The following CAPNS1 variants were observed in gnomAD, a reference collection of about 807,000 sequenced individuals.
The protein encoded by CAPNS1 is CANP small subunit.
CAPNS1 carries 32 observed loss-of-function variants against 39.2 expected under a neutral mutation model. That is an observed-to-expected ratio of 0.82 (90% confidence interval 0.62 to 1.10). CAPNS1 has a LOEUF of 1.10. CAPNS1 is among the 50% of genes least tolerant of loss of function. The pLI is 0.00. For synonymous variants in CAPNS1, 153 were observed against 136.2 expected (o/e 1.12, Z -0.86); for missense variants, 353 against 373.1 (o/e 0.95, Z 0.44).
chr19:36,142,313 C>A lies in CAPNS1; in HGVS notation c.223C>A (p.Gln75Lys). The A allele has an allele frequency of 6.3e-7, 1 of 1,586,828 alleles. No individual in the cohort carries two copies. Among genetic ancestry groups the A allele is most frequent in the Non-Finnish European group, 8.6e-7 (1 of 1,161,688 alleles). ...VISAISEAAA[Q>K]YNPEPPPPRT... is the part of the protein sequence containing the mutation. ...ATCTCTTCGCAGCGAGGCGGCTGCG[C>A]AGTACAACCCGGAGCCCCCGGTAAG... is the stretch of plus-strand genomic sequence containing the variant. Residue 75 changes from glutamine to lysine, a missense_variant, in exon 3 of 11, where the codon CAG (glutamine) becomes AAG (lysine). By Grantham distance (53) the Gln-to-Lys change is moderately conservative (BLOSUM62 1). Transcript: ENST00000246533.
At position 36,149,580 on chromosome 19, in the gene CAPNS1, G is replaced by A; in HGVS notation, c.724G>A (p.Ala242Thr). 1 of 1,479,930 alleles carries A rather than the reference G, an allele frequency of 6.8e-7. No homozygotes were observed. Among genetic ancestry groups the A allele is most frequent in the Non-Finnish European group, 9.0e-7 (1 of 1,112,058 alleles). The allele number at this position is 1,479,930 out of a possible 1,614,324, so 91.7% of individuals were successfully genotyped here. A position where few individuals can be genotyped will look rare whatever the true frequency, so the allele number is the denominator to read the frequency against. ...AACCTCTGCATCTCCTCCTCCAGGT[G>A]CCTTCAAATCTCTTGACAAAGATGG... Reference protein sequence around the residue: ...CLVRLDAMFRAFKSLDKDGTG... With the variant: ...CLVRLDAMFRTFKSLDKDGTG... The change falls in exon 10 of 11, where the codon GCC becomes ACC. Residue 242 changes from alanine to threonine, a missense_variant and splice_region_variant. Ala to Thr is a moderately conservative substitution (Grantham distance 58). Transcript: ENST00000246533.
chr19:36,148,962 G>A (rs17882759), intron 9 of CAPNS1, among the ~76,000 whole-genome samples: 1,752 of 152,296 alleles, frequency 0.012, 24 homozygotes, highest in African/African-American at 0.04. Context: ...CAGGGCAGGC[G>A]TGGGGACCTA....
intron 6 of CAPNS1, among the ~76,000 whole-genome samples, chr19:36,144,553 A>T (rs1169741319): frequency 6.6e-6 from 1 of 152,176 alleles, no homozygotes; most frequent in African/African-American, 2.4e-5. Flanking sequence ...TTTTTGTTTT[A>T]AAAAATATTT....
chr19:36,141,439 G>A, intron 2 of CAPNS1: 1 of 1,311,292 alleles, frequency 7.6e-7, no homozygotes, highest in Middle Eastern at 2.9e-4. Flanking sequence ...GCTTGATATG[G>A]GAGTAGTCTG....
Position 36,149,805 on chromosome 19 carries a change from C to T in CAPNS1, c.781-8C>T. On this transcript the variant is annotated splice_polypyrimidine_tract_variant and splice_region_variant and intron_variant, in intron 10 of 10. Transcript: ENST00000246533. ...CCCTGTCCTCACTCTCCACCCTCCTCTCCCCAGTGGCTGCAGCTGACTATG... is the reference window on the plus strand; with the variant it reads ...CCCTGTCCTCACTCTCCACCCTCCTTTCCCCAGTGGCTGCAGCTGACTATG... 1 of 1,520,442 alleles carries T rather than the reference C, an allele frequency of 6.6e-7. No homozygotes were observed. The highest frequency in any genetic ancestry group is 8.9e-7 in the Non-Finnish European group (1 of 1,128,914). The allele number at this position is 1,520,442 out of a possible 1,614,324, so 94.2% of individuals were successfully genotyped here.
chr19:36,147,327 G>C (rs751292977), intron 9 of CAPNS1, among the ~76,000 whole-genome samples: 1 of 152,232 alleles, frequency 6.6e-6, no homozygotes, highest in Non-Finnish European at 1.5e-5. Flanking sequence ...AGCTAAGTAA[G>C]AGAAGGTAGG....
rs1220762814 is a variant in CAPNS1, at chr19:36,143,655, A to AT, written c.456+529dup. 8.0e-5 allele frequency among the ~76,000 whole-genome samples: 12 copies of AT among 149,536 alleles called. No homozygotes were observed. In the East Asian group the frequency reaches 1.6e-3, roughly 20 times the overall value. On this transcript the variant is annotated intron_variant, in intron 6 of 10. Coordinates refer to ENST00000246533, the MANE Select transcript of CAPNS1 (RefSeq NM_001749.4). ...GGCGGGCGGATCACGAGATCAGGAGATTGAGACCATCCTGGCTAACACAGT... is the reference window on the plus strand; with the variant it reads ...GGCGGGCGGATCACGAGATCAGGAGATTTGAGACCATCCTGGCTAACACAGT...
chr19:36,142,151 C>T, intron 2 of CAPNS1, 149 bp from the exon 3 acceptor site: 1 of 737,072 alleles, frequency 1.4e-6, no homozygotes, highest in Non-Finnish European at 2.5e-6. Flanking sequence ...TGGATTGGGA[C>T]AGATGAGGAC....
In CAPNS1 at chr19:36,141,058, G is replaced by C; in HGVS notation, c.47G>C (p.Gly16Ala). The C allele has an allele frequency of 1.3e-6, 2 of 1,530,578 alleles. No individual in the cohort carries two copies. The highest frequency in any genetic ancestry group is 1.8e-6 in the Non-Finnish European group (2 of 1,135,778). The allele number at this position is 1,530,578 out of a possible 1,614,324, so 94.8% of individuals were successfully genotyped here. The change falls in exon 2 of 11, where the codon GGG becomes GCG. Residue 16 changes from glycine (G) to alanine (A), a missense_variant. Transcript: ENST00000246533. ...TTGAAGGGCGGCGGCGGCGGCGGCG[G>C]GGGAGGCGGGGGCCTGGGTGGGGGC... ...SFLKGGGGGG[G>A]GGGGLGGGLG...
chr19:36,142,162 AAG>A (rs1411429324), intron 2 of CAPNS1, 136 bp from the exon 3 acceptor site: 1 of 755,994 alleles, frequency 1.3e-6, no homozygotes, highest in East Asian at 2.5e-5. Flanking sequence ...AGATGAGGAC[AAG>A]AACAAATGAA....
At chr19:36,147,806 C>T (rs1461040420) in intron 9 of CAPNS1, among the ~76,000 whole-genome samples, 2 of 151,184 alleles carry the variant, frequency 1.3e-5, no homozygotes, top group African/African-American at 4.9e-5. Flanking sequence ...GGTGCAGTGG[C>T]TTATGCCTGT....
At chr19:36,141,756 A>G (rs1974383539) in intron 2 of CAPNS1, 5 of 328,454 alleles carry the variant, frequency 1.5e-5, no homozygotes, top group Non-Finnish European at 2.2e-5. Flanking sequence ...ATGCCCTGGT[A>G]GGGATAGGGC....
intron 3 of CAPNS1, 126 bp from the exon 4 acceptor site, chr19:36,142,526 C>A: frequency 2.6e-6 from 2 of 760,536 alleles, no homozygotes; most frequent in Admixed American, 2.1e-5. Flanking sequence ...TTCACTACCA[C>A]CCCTCATTCT....
At chr19:36,141,441 A>T (rs1974370838) in intron 2 of CAPNS1, 2 of 1,309,694 alleles carry the variant, frequency 1.5e-6, no homozygotes, top group South Asian at 4.4e-5. Flanking sequence ...TTGATATGGG[A>T]GTAGTCTGAT....
At chr19:36,144,176 CAAAAAAAAA>C (rs557328656) in intron 6 of CAPNS1, 1 of 65,416 alleles carries the variant, frequency 1.5e-5, no homozygotes, top group African/African-American at 5.6e-5. Context: ...GACTCCGTCT[CAAAAAAAAA>C]AAAAAAGAAA....
At chr19:36,142,574 C>T (rs559995874) in intron 3 of CAPNS1, 78 bp from the exon 4 acceptor site, 5 of 1,169,988 alleles carry the variant, frequency 4.3e-6, no homozygotes, top group South Asian at 3.9e-5. Flanking sequence ...CTGACTTCCC[C>T]ACCCAGGGTA....
In CAPNS1 at chr19:36,140,085, C is replaced by A. The variant is rs1026669643; in HGVS notation, c.-88C>A. The A allele has an allele frequency of 3.3e-5, 5 of 152,230 alleles. No homozygotes were observed. The highest frequency in any genetic ancestry group is 1.2e-4 in the African/African-American group (5 of 41,456). The allele number at this position is 152,230 out of a possible 1,614,324, so 9.4% of individuals were successfully genotyped here. A position where few individuals can be genotyped will look rare whatever the true frequency, so the allele number is the denominator to read the frequency against. On this transcript the variant is annotated 5_prime_UTR_variant, in exon 1 of 11. Transcript: ENST00000246533. ...CGGCCTGAGTCACCGGCCCCGCCCT[C>A]CGGAGCCGGACGCTGCGGGAGGCCC...
At chr19:36,146,664 A>G (rs1974578657) in intron 9 of CAPNS1, among the ~76,000 whole-genome samples, 2 of 152,112 alleles carry the variant, frequency 1.3e-5, no homozygotes, top group Non-Finnish European at 2.9e-5. Flanking sequence ...ATCCAGGAGG[A>G]ACCTGATGCA....
rs780575011 is a variant in CAPNS1 at position 36,146,286 on chromosome 19, G to A, written c.695G>A (p.Cys232Tyr). The A allele has an allele frequency of 1.9e-6, 3 of 1,613,194 alleles. No individual in the cohort carries two copies. The highest frequency in any genetic ancestry group is 2.5e-6 in the Non-Finnish European group (3 of 1,179,152). Residue 232 changes from cysteine (C) to tyrosine (Y), a missense_variant, in exon 9 of 11, where the codon TGC becomes TAC. Transcript: ENST00000246533. ...GNMDFDNFIS[C>Y]LVRLDAMFRA... is the part of the protein sequence containing the mutation. ...ATGGATTTTGACAACTTCATCAGCT[G>A]CTTGGTCAGGCTGGACGCCATGTTC... is the stretch of plus-strand genomic sequence containing the variant.
Sources: allele counts gnomAD v4.1 joint callset (sites outside exome capture counted in the v4.1 genomes callset), GRCh38; gene constraint gnomAD v4.1.1; transcripts MANE v1.5; gene names NCBI Gene and HGNC (gene_info 2026-07-23, HGNC 2026-07-21).